Variants in MYH11 observed in about 807,000 individuals in gnomAD.
MYH11 encodes the protein myosin heavy chain 11, also known as myosin-11.
MYH11 carries 80 observed loss-of-function variants against 246.6 expected under a neutral mutation model. The ratio of observed to expected loss-of-function variants is 0.32; its 90% CI spans 0.27 to 0.39. The LOEUF is 0.39. Ranked by LOEUF, MYH11 falls within the 10% of genes least tolerant of loss-of-function variation. The pLI is 1.00. For missense variants in MYH11, 2,158 were observed against 2,546.8 expected, an observed-to-expected ratio of 0.85 and a Z score of 3.29; for synonymous variants, 1,071 against 1,015.5, an observed-to-expected ratio of 1.05 and a Z score of -1.04.
At chr16:15,764,642 T>C (rs987863159) in intron 9 of MYH11, among the ~76,000 whole-genome samples, 1 of 152,170 alleles carries the variant, frequency 6.6e-6, no homozygotes, top group Non-Finnish European at 1.5e-5. Context: ...TTATCCTTAA[T>C]TGAGGGAAGT....
intron 6 of MYH11, among the ~76,000 whole-genome samples, chr16:15,781,096 G>C (rs1169390562): frequency 6.6e-6 from 1 of 152,028 alleles, no homozygotes; most frequent in Non-Finnish European, 1.5e-5. Flanking sequence ...TGTAGAGATG[G>C]GGTTTCCCCA....
rs1291545328 is a variant in MYH11, at chr16:15,833,385, G to GAGGAAGGAAGGAAGGGAGGAAGGAAGGA, written c.345+4522_345+4523insTCCTTCCTTCCTCCCTTCCTTCCTTCCT. Among the ~76,000 whole-genome samples the GAGGAAGGAAGGAAGGGAGGAAGGAAGGA allele has an allele frequency of 1.6e-3, 175 of 110,578 alleles. 1 individual carries two copies. Among genetic ancestry groups the GAGGAAGGAAGGAAGGGAGGAAGGAAGGA allele is most frequent in the African/African-American group, 4.2e-3 (136 of 32,478 alleles). 72.5% of individuals were successfully genotyped at this position (110,578 alleles called of 152,430 possible). A position where few individuals can be genotyped will look rare whatever the true frequency, so the allele number is the denominator to read the frequency against. ...AGAAAGAGAGAGGGAGGGAGGGAGG[G>GAGGAAGGAAGGAAGGGAGGAAGGAAGGA]AGGAAGGAAGGAAGGAAGGAAGGAA... On this transcript the variant is annotated intron_variant, in intron 2 of 40. Coordinates refer to ENST00000300036, the MANE Select transcript of MYH11 (RefSeq NM_002474.3).
At chr16:15,838,657 C>T (rs2043970580) in intron 1 of MYH11, among the ~76,000 whole-genome samples, 1 of 151,998 alleles carries the variant, frequency 6.6e-6, no homozygotes, top group African/African-American at 2.4e-5. Context: ...GCCAGGAGTT[C>T]AAGACCAGCC....
At chr16:15,725,039 C>G (rs1428706883) in intron 28 of MYH11, 47 bp from the exon 29 acceptor site, 2 of 1,552,042 alleles carry the variant, frequency 1.3e-6, no homozygotes, top group African/African-American at 1.4e-5. Flanking sequence ...AGAAGGGGAT[C>G]CTCGTTGAAA....
intron 4 of MYH11, among the ~76,000 whole-genome samples, chr16:15,796,958 C>T (rs1567181808): frequency 6.6e-6 from 1 of 152,160 alleles, no homozygotes; most frequent in Non-Finnish European, 1.5e-5. Flanking sequence ...ATGTGTACAT[C>T]CTACCATGGA....
intron 4 of MYH11, among the ~76,000 whole-genome samples, chr16:15,788,549 GAGAA>G (rs543467516): frequency 1.0e-3 from 153 of 151,862 alleles, no homozygotes; most frequent in African/African-American, 3.5e-3. Context: ...AAAAAAGAAA[GAGAA>G]AGAAAAAAAA....
At chr16:15,801,556 G>C (rs2042886796) in intron 3 of MYH11, among the ~76,000 whole-genome samples, 1 of 151,998 alleles carries the variant, frequency 6.6e-6, no homozygotes, top group Non-Finnish European at 1.5e-5. Context: ...AGCTACTTGG[G>C]AGGCTGAGAC....
chr16:15,741,351 G>A (rs897215720), intron 22 of MYH11, 112 bp downstream of exon 22: 54 of 1,219,854 alleles, frequency 4.4e-5, no homozygotes, highest in East Asian at 1.9e-4. Context: ...CCAAGCCCCC[G>A]TCTCATCATC....
rs769652579 is a variant in MYH11, at chr16:15,759,756, T to C, written c.1249-28A>G. 21 of 1,613,126 alleles carry C rather than the reference T, an allele frequency of 1.3e-5. No homozygotes were observed. In the South Asian group the frequency reaches 1.9e-4, roughly 14 times the overall value. On this transcript the variant is annotated intron_variant, in intron 11 of 40. Coordinates refer to ENST00000300036, the MANE Select transcript of MYH11 (RefSeq NM_002474.3). ...GCAGAGGGCAACCAGGGGAACCCGG[T>C]TATTCTCAATGGGCTCCATTTTCAC...
intron 15 of MYH11, among the ~76,000 whole-genome samples, chr16:15,751,272 C>T (rs1350073990): frequency 1.3e-5 from 2 of 151,796 alleles, no homozygotes; most frequent in Non-Finnish European, 2.9e-5. Flanking sequence ...GCAATTCTCC[C>T]GCCTCAGCCT....
chr16:15,718,490 G>T, intron 36 of MYH11, 52 bp from the exon 37 acceptor site: 1 of 1,536,008 alleles, frequency 6.5e-7, no homozygotes, highest in Non-Finnish European at 8.7e-7. Flanking sequence ...CGCCTTAAAA[G>T]ATGCCCCCTC....
At chr16:15,735,093 C>T (rs748897834) in intron 26 of MYH11, among the ~76,000 whole-genome samples, 21 of 150,702 alleles carry the variant, frequency 1.4e-4, no homozygotes, top group Non-Finnish European at 2.1e-4. Context: ...GCATGAGAAT[C>T]GCTTAAATCT....
chr16:15,787,570 C>T (rs2042501313), intron 4 of MYH11, among the ~76,000 whole-genome samples: 1 of 150,258 alleles, frequency 6.7e-6, no homozygotes, highest in Admixed American at 6.7e-5. Context: ...GCAAGCTCCA[C>T]CTCCCTGGTT....
At chr16:15,746,642 C>T (rs1567723112) in intron 19 of MYH11, among the ~76,000 whole-genome samples, 1 of 152,154 alleles carries the variant, frequency 6.6e-6, no homozygotes, top group East Asian at 1.9e-4. Flanking sequence ...TGGGGTATGA[C>T]TTTCATTAAG....
chr16:15,734,016 A>G (rs1157958192), intron 26 of MYH11, among the ~76,000 whole-genome samples: 1 of 152,228 alleles, frequency 6.6e-6, no homozygotes, highest in Admixed American at 6.5e-5. Flanking sequence ...CCAACACCAC[A>G]GATTGCATCA....
chr16:15,756,319 C>T, intron 14 of MYH11, 22 bp downstream of exon 14: 1 of 1,613,478 alleles, frequency 6.2e-7, no homozygotes. Flanking sequence ...AGACAGAGTC[C>T]CCTGGGCCCT....
At chr16:15,853,986 G>A (rs1389319109) in intron 1 of MYH11, among the ~76,000 whole-genome samples, 2 of 152,064 alleles carry the variant, frequency 1.3e-5, no homozygotes, top group Non-Finnish European at 1.5e-5. Flanking sequence ...AGCCAAGATC[G>A]CACCACTGCA....
intron 1 of MYH11, among the ~76,000 whole-genome samples, chr16:15,845,798 T>C (rs2044175546): frequency 6.6e-6 from 1 of 151,812 alleles, no homozygotes; most frequent in South Asian, 2.1e-4. Flanking sequence ...GAAGTAAGAT[T>C]GATCACAAGT....
At chr16:15,778,746 G>T in intron 7 of MYH11, 34 bp downstream of exon 7, 1 of 1,605,196 alleles carries the variant, frequency 6.2e-7, no homozygotes, top group South Asian at 1.1e-5. Flanking sequence ...GGGGGCAGGG[G>T]TACCCATTTG....
Sources: gnomAD v4.1 joint callset for allele counts (sites outside exome capture counted in the v4.1 genomes callset) on GRCh38, gnomAD v4.1.1 for gene constraint, MANE v1.5 for transcripts, NCBI Gene and HGNC (gene_info 2026-07-23, HGNC 2026-07-21) for gene names.